Variants in NRXN3 observed in about 807,000 individuals in gnomAD.
NRXN3 encodes neurexin III.
A neutral mutation model predicts 137.6 loss-of-function variants in NRXN3; 32 were observed. The observed-to-expected ratio is 0.23, with a 90% CI of 0.18 to 0.31. NRXN3 has a LOEUF of 0.31. Ranked by LOEUF, NRXN3 falls within the 10% of genes least tolerant of loss-of-function variation. NRXN3 has a pLI of 1.00. For missense variants in NRXN3, 1,574 were observed against 2,062.5 expected, an observed-to-expected ratio of 0.76 and a Z score of 4.59; for synonymous variants, 798 against 784.5, an observed-to-expected ratio of 1.02 and a Z score of -0.29.
At chr14:79,278,819 G>T (rs988441874) in intron 15 of NRXN3, among the ~76,000 whole-genome samples, 1 of 152,134 alleles carries the variant, frequency 6.6e-6, no homozygotes, top group Non-Finnish European at 1.5e-5. Context: ...TTCGCCCTGC[G>T]GGAGGGGCCC....
intron 17 of NRXN3, among the ~76,000 whole-genome samples, chr14:79,688,693 A>T (rs2098704698): frequency 6.6e-6 from 1 of 152,122 alleles, no homozygotes. Flanking sequence ...GGAACTATGA[A>T]CCAGTTGGGC....
At chr14:79,514,832 G>A (rs558795823) in intron 16 of NRXN3, among the ~76,000 whole-genome samples, 1 of 152,274 alleles carries the variant, frequency 6.6e-6, no homozygotes, top group East Asian at 1.9e-4. Context: ...GTATGTGGAA[G>A]TCAAATGACT....
At chr14:79,615,694 G>A (rs958685533) in intron 16 of NRXN3, among the ~76,000 whole-genome samples, 1 of 152,074 alleles carries the variant, frequency 6.6e-6, no homozygotes, top group Non-Finnish European at 1.5e-5. Flanking sequence ...GGGGGGAAAA[G>A]CCCCGTATAG....
At chr14:78,245,992 G>A (rs2067616913) in intron 2 of NRXN3, among the ~76,000 whole-genome samples, 1 of 152,188 alleles carries the variant, frequency 6.6e-6, no homozygotes, top group Non-Finnish European at 1.5e-5. Context: ...TCTTGGCTTT[G>A]GAGAAAGTTC....
chr14:78,685,023 T>TGA (rs1316090186), intron 6 of NRXN3, among the ~76,000 whole-genome samples: 4 of 152,196 alleles, frequency 2.6e-5, no homozygotes, highest in African/African-American at 9.6e-5. Flanking sequence ...GAGCTCTAAA[T>TGA]CTGGTTAGGG....
intron 10 of NRXN3, among the ~76,000 whole-genome samples, chr14:78,842,890 T>A (rs981265245): frequency 2.6e-5 from 4 of 152,172 alleles, no homozygotes; most frequent in African/African-American, 9.7e-5. Context: ...AGTTTAAGGT[T>A]ATCTCTCTTG....
intron 8 of NRXN3, among the ~76,000 whole-genome samples, chr14:78,775,927 G>A (rs115355152): frequency 1.4e-3 from 213 of 152,280 alleles, no homozygotes; most frequent in African/African-American, 5.1e-3. Flanking sequence ...GTAGCAGGAT[G>A]AAATCTTGTG....
chr14:78,689,972 G>A (rs1386341221), intron 6 of NRXN3, among the ~76,000 whole-genome samples: 2 of 151,868 alleles, frequency 1.3e-5, no homozygotes, highest in Admixed American at 6.6e-5. Flanking sequence ...TTCTATCAGT[G>A]TCTTGACATC....
intron 4 of NRXN3, among the ~76,000 whole-genome samples, chr14:78,538,576 T>G (rs916278439): frequency 1.3e-5 from 2 of 152,344 alleles, no homozygotes; most frequent in South Asian, 4.1e-4. Context: ...CAATTTGACT[T>G]CCTCATTGTG....
intron 19 of NRXN3, among the ~76,000 whole-genome samples, chr14:79,745,237 A>G (rs1468076606): frequency 1.3e-5 from 2 of 152,094 alleles, no homozygotes; most frequent in Non-Finnish European, 2.9e-5. Context: ...AATAGGCTCT[A>G]GGGATGCTCT....
chr14:79,352,839 C>T (rs1162754444), intron 15 of NRXN3, among the ~76,000 whole-genome samples: 1 of 152,066 alleles, frequency 6.6e-6, no homozygotes, highest in East Asian at 1.9e-4. Flanking sequence ...CAATTTACCC[C>T]AGTTCAGAAG....
intron 4 of NRXN3, among the ~76,000 whole-genome samples, chr14:78,367,052 A>C (rs149353859): frequency 2.0e-5 from 3 of 152,116 alleles, no homozygotes; most frequent in Non-Finnish European, 2.9e-5. Context: ...CTCATTGCCC[A>C]CTCTCTGATT....
At chr14:78,175,294 C>T (rs17754610) in intron 1 of NRXN3, among the ~76,000 whole-genome samples, 7,799 of 152,200 alleles carry the variant, frequency 0.051, 255 homozygotes, top group African/African-American at 0.054. Flanking sequence ...GACAGGGTTA[C>T]GTCATTGCCA....
intron 15 of NRXN3, among the ~76,000 whole-genome samples, chr14:79,400,221 A>G (rs61993117): frequency 0.042 from 6,429 of 152,208 alleles, 249 homozygotes; most frequent in Middle Eastern, 0.11. Context: ...GTTGGAGGTT[A>G]TTTTATGGGA....
intron 15 of NRXN3, among the ~76,000 whole-genome samples, chr14:79,258,358 C>T (rs1417513870): frequency 6.6e-6 from 1 of 152,066 alleles, no homozygotes; most frequent in Non-Finnish European, 1.5e-5. Context: ...GTGCGCACCA[C>T]CACACCTGGC....
At chr14:79,373,322 A>G (rs184675584) in intron 15 of NRXN3, among the ~76,000 whole-genome samples, 34 of 152,168 alleles carry the variant, frequency 2.2e-4, no homozygotes, top group Non-Finnish European at 4.4e-4. Flanking sequence ...TCTGGGGGGA[A>G]AAAAAAGGAA....
At chr14:78,424,607 A>T (rs1021225833) in intron 4 of NRXN3, among the ~76,000 whole-genome samples, 1 of 152,236 alleles carries the variant, frequency 6.6e-6, no homozygotes, top group African/African-American at 2.4e-5. Context: ...TTGTAATCTG[A>T]GACATCCCCA....
At chr14:78,356,072 T>A (rs1047811960) in intron 4 of NRXN3, among the ~76,000 whole-genome samples, 1 of 152,226 alleles carries the variant, frequency 6.6e-6, no homozygotes. Flanking sequence ...GAGAGGAGAA[T>A]TTTACAACTG....
chr14:78,898,126 T>C (rs113911944), intron 10 of NRXN3, among the ~76,000 whole-genome samples: 337 of 151,992 alleles, frequency 2.2e-3, no homozygotes, highest in African/African-American at 7.3e-3. Context: ...AATCTAGTAA[T>C]AATAGCTGGA....
Sources: gnomAD v4.1 joint callset for allele counts (sites outside exome capture counted in the v4.1 genomes callset) on GRCh38, gnomAD v4.1.1 for gene constraint, MANE v1.5 for transcripts, NCBI Gene and HGNC (gene_info 2026-07-23, HGNC 2026-07-21) for gene names.